The following TMEM132D variants were observed in gnomAD, a reference collection of about 807,000 sequenced individuals.
The protein encoded by TMEM132D is transmembrane protein 132D.
Under a neutral mutation model 62.3 loss-of-function variants are expected in TMEM132D, and 21 were observed. That is an observed-to-expected ratio of 0.34 (90% CI 0.24 to 0.49). The LOEUF is 0.49. Ranked by LOEUF, TMEM132D falls within the 20% of genes least tolerant of loss-of-function variation. The pLI, the probability that TMEM132D is intolerant of heterozygous loss-of-function variation, is 0.99. For synonymous variants in TMEM132D, 621 were observed against 575.6 expected (o/e 1.08, Z -1.13); for missense variants, 1,346 against 1,402.8 (o/e 0.96, Z 0.65).
intron 3 of TMEM132D, among the ~76,000 whole-genome samples, chr12:129,491,494 T>G (rs367776089): frequency 6.6e-6 from 1 of 152,140 alleles, no homozygotes; most frequent in Non-Finnish European, 1.5e-5. Flanking sequence ...ATTTAGGTTG[T>G]GCCAACCAGC....
chr12:129,136,081 A>G (rs1420183780), intron 5 of TMEM132D, among the ~76,000 whole-genome samples: 2 of 152,180 alleles, frequency 1.3e-5, no homozygotes, highest in Non-Finnish European at 2.9e-5. Context: ...ACTCCCTCAG[A>G]GTACCTAAGA....
chr12:129,079,548 C>T (rs1874387064), intron 7 of TMEM132D, among the ~76,000 whole-genome samples: 1 of 152,214 alleles, frequency 6.6e-6, no homozygotes, highest in African/African-American at 2.4e-5. Context: ...CTCCTCACAG[C>T]CCCGTATAAC....
intron 1 of TMEM132D, among the ~76,000 whole-genome samples, chr12:129,737,631 T>C (rs901700053): frequency 5.9e-5 from 9 of 152,182 alleles, no homozygotes; most frequent in African/African-American, 2.2e-4. Context: ...CCTTTTCATT[T>C]TGCACCTGCC....
chr12:129,557,679 G>C (rs1877102629), intron 2 of TMEM132D, among the ~76,000 whole-genome samples: 1 of 152,180 alleles, frequency 6.6e-6, no homozygotes, highest in Admixed American at 6.5e-5. Flanking sequence ...TCACACCATT[G>C]CACTCCAGCC....
At chr12:129,881,539 G>A (rs187326213) in intron 1 of TMEM132D, among the ~76,000 whole-genome samples, 1 of 152,010 alleles carries the variant, frequency 6.6e-6, no homozygotes, top group East Asian at 1.9e-4. Context: ...ATCGATATCA[G>A]AAAGGTATCT....
At chr12:129,284,717 G>A (rs1046815455) in intron 4 of TMEM132D, among the ~76,000 whole-genome samples, 21 of 152,184 alleles carry the variant, frequency 1.4e-4, no homozygotes, top group African/African-American at 5.1e-4. Context: ...AAATACAATG[G>A]AATATTATTC....
intron 3 of TMEM132D, among the ~76,000 whole-genome samples, chr12:129,424,212 A>T (rs1342153938): frequency 6.6e-6 from 1 of 152,278 alleles, no homozygotes; most frequent in South Asian, 2.1e-4. Flanking sequence ...TAAAAAAAAA[A>T]AAAAATCTAT....
At chr12:129,237,968 G>A (rs1879830055) in intron 4 of TMEM132D, among the ~76,000 whole-genome samples, 2 of 152,166 alleles carry the variant, frequency 1.3e-5, no homozygotes. Flanking sequence ...ATCAGGTCAA[G>A]GTGATTGCTA....
chr12:129,767,613 G>A (rs1384825949), intron 1 of TMEM132D, among the ~76,000 whole-genome samples: 2 of 152,138 alleles, frequency 1.3e-5, no homozygotes, highest in African/African-American at 4.8e-5. Context: ...GTCATGAATG[G>A]CTTTTCTCAC....
At chr12:129,131,523 C>T (rs961364163) in intron 5 of TMEM132D, among the ~76,000 whole-genome samples, 3 of 152,094 alleles carry the variant, frequency 2.0e-5, no homozygotes, top group Admixed American at 6.5e-5. Flanking sequence ...AGGAGAATCG[C>T]TTGAACGCAG....
chr12:129,829,915 T>C (rs1355319652), intron 1 of TMEM132D, among the ~76,000 whole-genome samples: 1 of 152,112 alleles, frequency 6.6e-6, no homozygotes, highest in Non-Finnish European at 1.5e-5. Context: ...GAATCAAATC[T>C]CCAGCTAAAA....
At chr12:129,742,176 G>T (rs1285352835) in intron 1 of TMEM132D, among the ~76,000 whole-genome samples, 1 of 152,228 alleles carries the variant, frequency 6.6e-6, no homozygotes, top group African/African-American at 2.4e-5. Flanking sequence ...TTAGCCATCT[G>T]TGTTAGTCCA....
intron 3 of TMEM132D, among the ~76,000 whole-genome samples, chr12:129,406,552 G>A (rs368465905): frequency 2.6e-5 from 4 of 151,748 alleles, no homozygotes; most frequent in East Asian, 1.9e-4. Context: ...CCCGGGAGGC[G>A]GAGGTTGCAG....
chr12:129,505,246 GTT>G (rs57697547), intron 3 of TMEM132D, among the ~76,000 whole-genome samples: 2,201 of 144,478 alleles, frequency 0.015, 57 homozygotes, highest in African/African-American at 0.052. Flanking sequence ...CCAGGGTATA[GTT>G]TTTTTTTTTT....
intron 3 of TMEM132D, among the ~76,000 whole-genome samples, chr12:129,342,059 G>C (rs2135662151): frequency 6.6e-6 from 1 of 152,244 alleles, no homozygotes; most frequent in Middle Eastern, 3.4e-3. Context: ...TTTCTTCATA[G>C]AATTGGAAAT....
chr12:129,149,466 C>T (rs1877010845), intron 5 of TMEM132D, among the ~76,000 whole-genome samples: 1 of 152,168 alleles, frequency 6.6e-6, no homozygotes. Flanking sequence ...ATGCATACCC[C>T]ACATTTTTAT....
At chr12:129,413,012 T>C (rs557447458) in intron 3 of TMEM132D, among the ~76,000 whole-genome samples, 3 of 152,368 alleles carry the variant, frequency 2.0e-5, no homozygotes, top group East Asian at 1.9e-4. Context: ...TCTCTTACGA[T>C]AGACCACAGT....
At chr12:129,261,292 G>A (rs572907075) in intron 4 of TMEM132D, among the ~76,000 whole-genome samples, 8 of 152,306 alleles carry the variant, frequency 5.3e-5, no homozygotes, top group South Asian at 4.1e-4. Flanking sequence ...TCATGGGAGG[G>A]ACCTGGTGGG....
intron 5 of TMEM132D, among the ~76,000 whole-genome samples, chr12:129,134,389 G>C (rs991070996): frequency 6.6e-6 from 1 of 152,150 alleles, no homozygotes; most frequent in South Asian, 2.1e-4. Context: ...GAACTGTGGA[G>C]GGATGTGATT....
Sources: gnomAD v4.1 joint callset for allele counts (sites outside exome capture counted in the v4.1 genomes callset) on GRCh38, gnomAD v4.1.1 for gene constraint, MANE v1.5 for transcripts, NCBI Gene and HGNC (gene_info 2026-07-23, HGNC 2026-07-21) for gene names.